The following MAP2K5 variants were observed in gnomAD, a reference collection of about 807,000 sequenced individuals.
MAP2K5 encodes mitogen-activated protein kinase kinase 5, also known as dual specificity mitogen-activated protein kinase kinase 5.
MAP2K5 carries 49 observed loss-of-function variants against 83.1 expected under a neutral mutation model. That is an observed-to-expected ratio of 0.59 (90% CI 0.47 to 0.75). MAP2K5 has a LOEUF of 0.75. Ranked by LOEUF, MAP2K5 falls within the 30% of genes least tolerant of loss-of-function variation. The pLI, the probability that MAP2K5 is intolerant of heterozygous loss-of-function variation, is 0.00. For missense variants in MAP2K5, 457 were observed against 557.5 expected (o/e 0.82, Z 1.82); for synonymous variants, 202 against 191.8 (o/e 1.05, Z -0.44).
chr15:67,679,595 G>A (rs552179297), intron 13 of MAP2K5: 8 of 152,012 alleles, frequency 5.3e-5, no homozygotes, highest in South Asian at 2.1e-4. Context: ...TTGTAATTGC[G>A]GTTTATCAGG....
At chr15:67,716,876 C>T (rs2088838219) in intron 16 of MAP2K5, among the ~76,000 whole-genome samples, 2 of 152,112 alleles carry the variant, frequency 1.3e-5, no homozygotes, top group Non-Finnish European at 2.9e-5. Flanking sequence ...AAGCTTCTCC[C>T]CACTCTGAAA....
chr15:67,632,881 G>C (rs902136947), intron 9 of MAP2K5, among the ~76,000 whole-genome samples: 1 of 152,162 alleles, frequency 6.6e-6, no homozygotes, highest in South Asian at 2.1e-4. Flanking sequence ...ACAGCACCTA[G>C]AATGTGTTAC....
rs2090010691 is a variant in MAP2K5, at chr15:67,764,747, T to C, written c.1135-4855T>C. Among the ~76,000 whole-genome samples, 1 of 152,206 alleles carries C rather than the reference T, an allele frequency of 6.6e-6. No individual in the cohort carries two copies. The highest frequency in any genetic ancestry group is 1.5e-5 in the Non-Finnish European group (1 of 68,046). ...TCAGTGTCTGAATTAACCACCACAT[T>C]ATTGTCAGGTCCCCCTGTCACCTTT... is the stretch of plus-strand genomic sequence containing the variant. On this transcript the variant is annotated intron_variant, in intron 19 of 21. Transcript: ENST00000178640. This position sits in a 1 kb window ranked among gnomAD's most constrained non-coding sequence, Gnocchi z 4.9.
At chr15:67,615,039 C>T (rs1249996366) in intron 8 of MAP2K5, among the ~76,000 whole-genome samples, 6 of 151,830 alleles carry the variant, frequency 4.0e-5, no homozygotes, top group African/African-American at 1.5e-4. Flanking sequence ...CTCTTGTTGC[C>T]CAGGCTGGAG....
chr15:67,631,418 C>T (rs1003202117), intron 9 of MAP2K5, among the ~76,000 whole-genome samples: 5 of 152,150 alleles, frequency 3.3e-5, no homozygotes, highest in Admixed American at 1.3e-4. Flanking sequence ...ACTGTACTTT[C>T]GGTCTTTTCT....
chr15:67,789,257 A>G (rs992193522), intron 21 of MAP2K5, among the ~76,000 whole-genome samples: 5 of 152,290 alleles, frequency 3.3e-5, no homozygotes, highest in East Asian at 1.9e-4. Flanking sequence ...GGACCCTGTC[A>G]TAGGATATTT....
chr15:67,674,481 A>G (rs1010847405), intron 13 of MAP2K5, among the ~76,000 whole-genome samples: 3 of 152,202 alleles, frequency 2.0e-5, no homozygotes, highest in Non-Finnish European at 4.4e-5. Flanking sequence ...AAGAAAAAAA[A>G]AGACTTAGCC....
intron 16 of MAP2K5, among the ~76,000 whole-genome samples, chr15:67,710,284 G>A (rs1389064160): frequency 6.6e-6 from 1 of 152,166 alleles, no homozygotes; most frequent in Non-Finnish European, 1.5e-5. Flanking sequence ...AGAACAGTCT[G>A]GCTCAATGTG....
At chr15:67,588,108 AG>A (rs1229956563) in intron 6 of MAP2K5, 3 of 985,236 alleles carry the variant, frequency 3.0e-6, no homozygotes, top group Non-Finnish European at 3.6e-6. Flanking sequence ...CATGCTTTCA[AG>A]ATGAAGTGTA....
chr15:67,617,762 G>T (rs2086086633), intron 8 of MAP2K5, among the ~76,000 whole-genome samples: 1 of 152,114 alleles, frequency 6.6e-6, no homozygotes. Flanking sequence ...TACGATCATG[G>T]CTTACTGTAG....
At chr15:67,682,798 A>C (rs1468090740) in intron 13 of MAP2K5, among the ~76,000 whole-genome samples, 2 of 151,428 alleles carry the variant, frequency 1.3e-5, no homozygotes, top group East Asian at 3.9e-4. Context: ...CCACCACTGC[A>C]CTCCAGCCTG....
At chr15:67,672,494 T>G (rs1435306323) in intron 13 of MAP2K5, among the ~76,000 whole-genome samples, 1 of 150,450 alleles carries the variant, frequency 6.6e-6, no homozygotes, top group Admixed American at 6.6e-5. Flanking sequence ...CTTCGCCCAC[T>G]TTTTGATGGG....
At chr15:67,682,162 C>T (rs557472856) in intron 13 of MAP2K5, among the ~76,000 whole-genome samples, 11 of 151,496 alleles carry the variant, frequency 7.3e-5, no homozygotes, top group South Asian at 4.2e-4. Context: ...TCTATGGCTT[C>T]GAGTGAAGCT....
chr15:67,742,817 T>C (rs939373526), intron 17 of MAP2K5, among the ~76,000 whole-genome samples: 1 of 152,270 alleles, frequency 6.6e-6, no homozygotes, highest in Non-Finnish European at 1.5e-5. Flanking sequence ...TTGGCTCTTA[T>C]ACACCTATGT....
intron 13 of MAP2K5, among the ~76,000 whole-genome samples, chr15:67,682,312 G>A (rs900285906): frequency 6.6e-6 from 1 of 151,740 alleles, no homozygotes; most frequent in Admixed American, 6.6e-5. Flanking sequence ...CGCCTCCTGG[G>A]TTCAAGCGAT....
At position 67,748,724 on chromosome 15, in the gene MAP2K5, T is replaced by C; in HGVS notation, c.1134+123T>C. On this transcript the variant is annotated intron_variant, in intron 19 of 21. Transcript: ENST00000178640. The surrounding 1 kb of genome is among the most constrained non-coding windows in gnomAD (Gnocchi z 4.0). ...CTTGGAGCAAGTTGTGTTGTATGGC[T>C]CTGAGCTATGTTACGTGAACTGGCC... The C allele has an allele frequency of 1.1e-6, 1 of 874,568 alleles. No individual in the cohort carries two copies. The highest frequency in any genetic ancestry group is 1.8e-6 in the Non-Finnish European group (1 of 549,446). 54.2% of individuals were successfully genotyped at this position (874,568 alleles called of 1,614,324 possible).
chr15:67,563,470 T>G lies in MAP2K5; in HGVS notation c.252+120T>G. On this transcript the variant is annotated intron_variant, in intron 3 of 21. Transcript: ENST00000178640. The surrounding 1 kb of genome is among the most constrained non-coding windows in gnomAD (Gnocchi z 4.5). ...AGTTGTCATACATTTTTCTATATAA[T>G]AGGTAAAGGTTTCAAGGATTTCCGT... The G allele has an allele frequency of 2.3e-6, 3 of 1,277,062 alleles. No individual in the cohort carries two copies. The highest frequency in any genetic ancestry group is 3.2e-6 in the Non-Finnish European group (3 of 946,306). 79.1% of individuals were successfully genotyped at this position (1,277,062 alleles called of 1,614,324 possible).
At position 67,565,206 on chromosome 15, in the gene MAP2K5, G is replaced by A. The variant is rs1190625991; in HGVS notation, c.252+1856G>A. On this transcript the variant is annotated intron_variant, in intron 3 of 21. Transcript: ENST00000178640. The surrounding 1 kb of genome is among the most constrained non-coding windows in gnomAD (Gnocchi z 4.1). ...CTCTCCCCCACCTTCCTCTTTGCAG[G>A]ATTTTTTTTATGTCATCACTGTTAT... is the stretch of plus-strand genomic sequence containing the variant. Among the ~76,000 whole-genome samples the A allele has an allele frequency of 6.6e-6, 1 of 151,938 alleles. No individual in the cohort carries two copies. Among genetic ancestry groups the A allele is most frequent in the African/African-American group, 2.4e-5 (1 of 41,354 alleles).
intron 8 of MAP2K5, among the ~76,000 whole-genome samples, chr15:67,602,887 C>T (rs1415825932): frequency 7.2e-5 from 11 of 152,236 alleles, no homozygotes; most frequent in African/African-American, 2.2e-4. Context: ...CTCCTGACCT[C>T]GTGATTCACC....
Sources: allele counts gnomAD v4.1 joint callset (sites outside exome capture counted in the v4.1 genomes callset), GRCh38; gene constraint gnomAD v4.1.1; non-coding constraint Gnocchi (gnomAD v3.1); transcripts MANE v1.5; gene names NCBI Gene and HGNC (gene_info 2026-07-23, HGNC 2026-07-21).